Variants in RAB21 observed in about 807,000 individuals in gnomAD.
RAB21 encodes ras-related protein Rab-21.
Under a neutral mutation model 33.1 loss-of-function variants are expected in RAB21, and 13 were observed. That is an observed-to-expected ratio of 0.39 (90% CI 0.26 to 0.62). The LOEUF (loss-of-function observed/expected upper bound fraction) is 0.62. Ranked by LOEUF, RAB21 falls within the 20% of genes least tolerant of loss-of-function variation. RAB21 has a pLI of 0.48. For missense variants in RAB21, 234 were observed against 279.1 expected, an observed-to-expected ratio of 0.84 and a Z score of 1.15; for synonymous variants, 91 against 103.7, an observed-to-expected ratio of 0.88 and a Z score of 0.74.
At position 71,787,027 on chromosome 12, in the gene RAB21, T is replaced by C. The variant is rs373209639; in HGVS notation, c.*1354T>C. The C allele has an allele frequency of 1.2e-4, 19 of 152,366 alleles. No individual in the cohort carries two copies. The East Asian group carries it at 3.3e-3, about 26-fold the overall frequency. The allele number at this position is 152,366 out of a possible 1,614,324, so 9.4% of individuals were successfully genotyped here. A position where few individuals can be genotyped will look rare whatever the true frequency, so the allele number is the denominator to read the frequency against. ...GCCAGTTAACCAAGACTCATTCATATAGCACGTAGTTTATGTTCCTGAGGC... is the reference window on the plus strand; with the variant it reads ...GCCAGTTAACCAAGACTCATTCATACAGCACGTAGTTTATGTTCCTGAGGC... On this transcript the variant is annotated 3_prime_UTR_variant, in exon 7 of 7. Transcript: ENST00000261263.
intron 4 of RAB21, among the ~76,000 whole-genome samples, chr12:71,776,099 C>T (rs1440487863): frequency 6.6e-6 from 1 of 152,096 alleles, no homozygotes; most frequent in Admixed American, 6.6e-5. Context: ...TATGGACTTA[C>T]TAGGAGTGGA....
rs891336196 is a variant in RAB21 at position 71,789,525 on chromosome 12, G to A, written c.*3852G>A. 1 of 152,074 alleles carries A rather than the reference G, an allele frequency of 6.6e-6. No homozygotes were observed. The highest frequency in any genetic ancestry group is 6.6e-5 in the Admixed American group (1 of 15,252). 9.4% of individuals were successfully genotyped at this position (152,074 alleles called of 1,614,324 possible). On this transcript the variant is annotated 3_prime_UTR_variant, in exon 7 of 7. Transcript: ENST00000261263. The stretch of plus-strand genomic sequence containing the variant: ...CTCTGTAGATTCAGTGTGACAAAGA[G>A]GGAATACATAATTTGTGACCATTTA...
At chr12:71,769,574 G>A (rs1008125383) in intron 1 of RAB21, among the ~76,000 whole-genome samples, 1 of 151,996 alleles carries the variant, frequency 6.6e-6, no homozygotes, top group African/African-American at 2.4e-5. Flanking sequence ...CTTATTTTCT[G>A]TGTGTTTTGT....
Position 71,791,936 on chromosome 12 carries a change from C to T in RAB21, c.*6263C>T, listed in dbSNP as rs1305076982. The T allele has an allele frequency of 6.6e-6, 1 of 152,228 alleles. No homozygotes were observed. Among genetic ancestry groups the T allele is most frequent in the African/African-American group, 2.4e-5 (1 of 41,442 alleles). 9.4% of individuals were successfully genotyped at this position (152,228 alleles called of 1,614,324 possible). ...CTAGAATGCAGTAGCATGATCATAGCTCATTGCAGCCTCAAACTCCTGGGC... is the reference window on the plus strand; with the variant it reads ...CTAGAATGCAGTAGCATGATCATAGTTCATTGCAGCCTCAAACTCCTGGGC... On this transcript the variant is annotated 3_prime_UTR_variant, in exon 7 of 7. Coordinates refer to ENST00000261263, the MANE Select transcript of RAB21 (RefSeq NM_014999.4).
At position 71,791,513 on chromosome 12, in the gene RAB21, T is replaced by C. The variant is rs1053620288; in HGVS notation, c.*5840T>C. 4 of 152,176 alleles carry C rather than the reference T, an allele frequency of 2.6e-5. No homozygotes were observed. Among genetic ancestry groups the C allele is most frequent in the African/African-American group, 9.7e-5 (4 of 41,440 alleles). 9.4% of individuals were successfully genotyped at this position (152,176 alleles called of 1,614,324 possible). ...AGGGAAGAAGGAAAAAGAGGAAAGG[T>C]ATAACTGATGGGGAAAAGTACAAGA... is the stretch of plus-strand genomic sequence containing the variant. On this transcript the variant is annotated 3_prime_UTR_variant, in exon 7 of 7. Transcript: ENST00000261263.
chr12:71,770,282 A>G lies in RAB21; in HGVS notation c.220-310A>G, dbSNP rs553604407. Among the ~76,000 whole-genome samples, 7 of 152,264 alleles carry G rather than the reference A, an allele frequency of 4.6e-5. No individual in the cohort carries two copies. The South Asian group carries it at 1.4e-3, about 32-fold the overall frequency. On this transcript the variant is annotated intron_variant, in intron 2 of 6. Coordinates refer to ENST00000261263, the MANE Select transcript of RAB21 (RefSeq NM_014999.4). Reference sequence around the variant, plus strand: ...AGGGCAGAGCCTATTCCTGGCTTATAATACTGTGTTGGTTGTTTTGACCCT... The same window carrying G: ...AGGGCAGAGCCTATTCCTGGCTTATGATACTGTGTTGGTTGTTTTGACCCT...
chr12:71,759,967 C>T (rs549348289), intron 1 of RAB21, among the ~76,000 whole-genome samples: 8 of 152,298 alleles, frequency 5.3e-5, no homozygotes, highest in African/African-American at 1.9e-4. Flanking sequence ...AGACAGCCGT[C>T]ATATGTAAAG....
rs1361179612 is a variant in RAB21 at position 71,790,113 on chromosome 12, A to T, written c.*4440A>T. On this transcript the variant is annotated 3_prime_UTR_variant, in exon 7 of 7. Transcript: ENST00000261263. ...CTGCAACATTTTCTCTTCAGTAGAT[A>T]TATGAGTAAACATGATGAGTTAATG... The T allele has an allele frequency of 6.6e-6, 1 of 152,226 alleles. No individual in the cohort carries two copies. The highest frequency in any genetic ancestry group is 1.5e-5 in the Non-Finnish European group (1 of 68,020). The allele number at this position is 152,226 out of a possible 1,614,324, so 9.4% of individuals were successfully genotyped here.
At chr12:71,776,791 A>G (rs1883126721) in intron 4 of RAB21, among the ~76,000 whole-genome samples, 1 of 152,182 alleles carries the variant, frequency 6.6e-6, no homozygotes, top group Non-Finnish European at 1.5e-5. Flanking sequence ...GATTAAAAAA[A>G]AAGTATTTTG....
At chr12:71,770,469 A>G (rs1883026025) in intron 2 of RAB21, 123 bp from the exon 3 acceptor site, 4 of 693,388 alleles carry the variant, frequency 5.8e-6, no homozygotes, top group Non-Finnish European at 9.9e-6. Context: ...TTCTGTTAAT[A>G]GGGTTTTGTG....
In RAB21 at chr12:71,787,462, T is replaced by C. The variant is rs186526381; in HGVS notation, c.*1789T>C. 1 of 152,306 alleles carries C rather than the reference T, an allele frequency of 6.6e-6. No individual in the cohort carries two copies. Among genetic ancestry groups the C allele is most frequent in the East Asian group, 1.9e-4 (1 of 5,182 alleles). 9.4% of individuals were successfully genotyped at this position (152,306 alleles called of 1,614,324 possible). ...GAATGGCCCCTGGATTTACTTCTTA[T>C]AAGAAGCAGTAGTATGTAATAAAGC... On this transcript the variant is annotated 3_prime_UTR_variant, in exon 7 of 7. Coordinates refer to ENST00000261263, the MANE Select transcript of RAB21 (RefSeq NM_014999.4).
intron 1 of RAB21, among the ~76,000 whole-genome samples, chr12:71,755,835 C>G (rs1882777565): frequency 6.6e-6 from 1 of 152,116 alleles, no homozygotes; most frequent in Non-Finnish European, 1.5e-5. Context: ...TTCATTGCAG[C>G]CTGCGTGGGT....
intron 4 of RAB21, among the ~76,000 whole-genome samples, chr12:71,776,600 ACTTT>A (rs1229905426): frequency 6.6e-6 from 1 of 151,980 alleles, no homozygotes; most frequent in African/African-American, 2.4e-5. Context: ...GAAAGCTCTC[ACTTT>A]CTTCTGTTGA....
In RAB21 at chr12:71,799,527, T is replaced by C. The variant is rs956039748; in HGVS notation, c.*13854T>C. 2.0e-5 allele frequency: 3 copies of C among 152,218 alleles called. No homozygotes were observed. Among genetic ancestry groups the C allele is most frequent in the Non-Finnish European group, 2.9e-5 (2 of 68,052 alleles). 9.4% of individuals were successfully genotyped at this position (152,218 alleles called of 1,614,324 possible). Reference sequence around the variant, plus strand: ...CTTATGTATGAAGGAAATGAGTTTGTACAACGTTTTTCAATGCAGTATTGT... The same window carrying C: ...CTTATGTATGAAGGAAATGAGTTTGCACAACGTTTTTCAATGCAGTATTGT... On this transcript the variant is annotated 3_prime_UTR_variant, in exon 7 of 7. Coordinates refer to ENST00000261263, the MANE Select transcript of RAB21 (RefSeq NM_014999.4).
intron 4 of RAB21, among the ~76,000 whole-genome samples, chr12:71,776,983 T>C (rs1883129922): frequency 6.6e-6 from 1 of 152,192 alleles, no homozygotes; most frequent in Admixed American, 6.5e-5. Flanking sequence ...AACAACTTAT[T>C]TTTTCTGACA....
intron 2 of RAB21, among the ~76,000 whole-genome samples, chr12:71,770,286 C>T (rs1300069446): frequency 6.6e-6 from 1 of 152,094 alleles, no homozygotes; most frequent in Non-Finnish European, 1.5e-5. Context: ...GCTTATAATA[C>T]TGTGTTGGTT....
chr12:71,786,667 C>T lies in RAB21; in HGVS notation c.*994C>T, dbSNP rs1169522037. On this transcript the variant is annotated 3_prime_UTR_variant, in exon 7 of 7. Coordinates refer to ENST00000261263, the MANE Select transcript of RAB21 (RefSeq NM_014999.4). The stretch of plus-strand genomic sequence containing the variant: ...TGGTGATTATGCCTAGCTTTTTTGA[C>T]TAATATAAAGATCATAGCTCCCCTT... 6.5e-6 allele frequency: 1 copy of T among 152,686 alleles called. No homozygotes were observed. The highest frequency in any genetic ancestry group is 1.5e-5 in the Non-Finnish European group (1 of 68,028). 9.5% of individuals were successfully genotyped at this position (152,686 alleles called of 1,614,324 possible).
Position 71,791,907 on chromosome 12 carries a change from C to T in RAB21, c.*6234C>T, listed in dbSNP as rs746901050. On this transcript the variant is annotated 3_prime_UTR_variant, in exon 7 of 7. Coordinates refer to ENST00000261263, the MANE Select transcript of RAB21 (RefSeq NM_014999.4). ...TGAGACAGGGTCTTGCTTTGCCGCA[C>T]AGACTAGAATGCAGTAGCATGATCA... 1 of 152,178 alleles carries T rather than the reference C, an allele frequency of 6.6e-6. No homozygotes were observed. Among genetic ancestry groups the T allele is most frequent in the Non-Finnish European group, 1.5e-5 (1 of 68,048 alleles). The allele number at this position is 152,178 out of a possible 1,614,324, so 9.4% of individuals were successfully genotyped here. A position where few individuals can be genotyped will look rare whatever the true frequency, so the allele number is the denominator to read the frequency against.
rs576425911 is a variant in RAB21, at chr12:71,773,599, C to A, written c.328-360C>A. Among the ~76,000 whole-genome samples, 10 of 152,150 alleles carry A rather than the reference C, an allele frequency of 6.6e-5. No individual in the cohort carries two copies. In the East Asian group the frequency reaches 1.9e-3, roughly 29 times the overall value. On this transcript the variant is annotated intron_variant, in intron 3 of 6. Coordinates refer to ENST00000261263, the MANE Select transcript of RAB21 (RefSeq NM_014999.4). ...TTAGGGTATAAAAGACTGTTTTAAA[C>A]CCATATGTTCCTAAGTCCAAAGTGA...
Sources: allele counts gnomAD v4.1 joint callset (sites outside exome capture counted in the v4.1 genomes callset), GRCh38; gene constraint gnomAD v4.1.1; transcripts MANE v1.5; gene names NCBI Gene and HGNC (gene_info 2026-07-23, HGNC 2026-07-21).